Variants in ADARB2 observed in about 807,000 individuals in gnomAD.
The protein encoded by ADARB2 is adenosine deaminase RNA specific B2 (inactive), also known as inactive double-stranded RNA-specific editase B2.
Under a neutral mutation model 62.2 loss-of-function variants are expected in ADARB2, and 25 were observed. The observed-to-expected ratio is 0.40, with a 90% CI of 0.29 to 0.56. The LOEUF is 0.56. ADARB2 is among the 20% of genes least tolerant of loss of function. The pLI is 0.43. For missense variants in ADARB2, 1,071 were observed against 1,077.4 expected (o/e 0.99, Z 0.08); for synonymous variants, 572 against 500.8 (o/e 1.14, Z -1.90).
intron 1 of ADARB2, among the ~76,000 whole-genome samples, chr10:1,383,435 TAAA>T (rs36078172): frequency 6.8e-6 from 1 of 147,610 alleles, no homozygotes; most frequent in African/African-American, 2.5e-5. Flanking sequence ...TGAGTATGAT[TAAA>T]AAAAAAAAAG....
intron 1 of ADARB2, among the ~76,000 whole-genome samples, chr10:1,431,772 T>C (rs1287884210): frequency 6.6e-6 from 1 of 152,202 alleles, no homozygotes; most frequent in African/African-American, 2.4e-5. Flanking sequence ...AAATAGGTGC[T>C]ATTACTACAG....
intron 1 of ADARB2, among the ~76,000 whole-genome samples, chr10:1,632,441 C>T (rs1833854626): frequency 6.6e-6 from 1 of 152,058 alleles, no homozygotes; most frequent in African/African-American, 2.4e-5. Context: ...TGCTTGCACA[C>T]ACATGCACAC....
At chr10:1,656,500 G>A (rs1834173505) in intron 1 of ADARB2, among the ~76,000 whole-genome samples, 1 of 151,788 alleles carries the variant, frequency 6.6e-6, no homozygotes, top group African/African-American at 2.4e-5. Flanking sequence ...GAGAGGTTGG[G>A]GGAAAGAGAG....
At chr10:1,419,320 T>G (rs1341152414) in intron 1 of ADARB2, among the ~76,000 whole-genome samples, 1 of 152,236 alleles carries the variant, frequency 6.6e-6, no homozygotes, top group Non-Finnish European at 1.5e-5. Flanking sequence ...GGTCTCGAAC[T>G]CCTGACCTCA....
chr10:1,680,490 G>A (rs1834522610), intron 1 of ADARB2, among the ~76,000 whole-genome samples: 3 of 152,198 alleles, frequency 2.0e-5, no homozygotes, highest in South Asian at 4.2e-4. Flanking sequence ...CAGGACTCCC[G>A]GGCCATGCAC....
chr10:1,723,464 C>A (rs1464297156), intron 1 of ADARB2, among the ~76,000 whole-genome samples: 3 of 152,326 alleles, frequency 2.0e-5, no homozygotes, highest in Non-Finnish European at 2.9e-5. Flanking sequence ...TCTTCGGTAG[C>A]CACTTGCATT....
At chr10:1,580,437 G>T (rs11250641) in intron 1 of ADARB2, among the ~76,000 whole-genome samples, 2 of 151,478 alleles carry the variant, frequency 1.3e-5, no homozygotes, top group Non-Finnish European at 2.9e-5. Flanking sequence ...TATATATGTT[G>T]GTCTGGCATT....
chr10:1,364,046 A>C (rs1320127726), intron 2 of ADARB2, 129 bp from the exon 3 acceptor site: 35 of 1,275,332 alleles, frequency 2.7e-5, no homozygotes, highest in Middle Eastern at 5.7e-4. Context: ...GGCCTGAGAA[A>C]TGACTGTGGC....
chr10:1,234,113 C>T (rs200555423), intron 5 of ADARB2, among the ~76,000 whole-genome samples: 7 of 151,806 alleles, frequency 4.6e-5, no homozygotes, highest in Admixed American at 3.3e-4. Flanking sequence ...CTCAGCCTCC[C>T]GAGTAGCTGG....
chr10:1,686,926 AT>A (rs541654765), intron 1 of ADARB2, among the ~76,000 whole-genome samples: 19 of 151,400 alleles, frequency 1.3e-4, no homozygotes, highest in African/African-American at 2.4e-4. Context: ...AAGAAATTAC[AT>A]TTTTTTTAAC....
At chr10:1,190,997 CAG>C (rs1836835133) in intron 8 of ADARB2, among the ~76,000 whole-genome samples, 1 of 151,672 alleles carries the variant, frequency 6.6e-6, no homozygotes, top group African/African-American at 2.4e-5. Flanking sequence ...CTTCGCAGAA[CAG>C]GGGTTTGCAC....
At chr10:1,436,159 C>T (rs1362370492) in intron 1 of ADARB2, among the ~76,000 whole-genome samples, 1 of 152,086 alleles carries the variant, frequency 6.6e-6, no homozygotes, top group Non-Finnish European at 1.5e-5. Context: ...TGCGTGTGTG[C>T]ATGCTTGTGT....
chr10:1,216,929 G>A (rs771305592), intron 7 of ADARB2, 22 bp downstream of exon 7: 63 of 1,589,378 alleles, frequency 4.0e-5, no homozygotes, highest in African/African-American at 1.6e-4. Context: ...CAACATCCTC[G>A]AGAGGAAGCC....
chr10:1,281,932 T>G (rs942437993), intron 3 of ADARB2, among the ~76,000 whole-genome samples: 1 of 152,218 alleles, frequency 6.6e-6, no homozygotes, highest in African/African-American at 2.4e-5. Context: ...TTAAAAAACT[T>G]TCCTTACTTT....
intron 1 of ADARB2, among the ~76,000 whole-genome samples, chr10:1,667,736 C>A (rs1204711724): frequency 6.6e-6 from 1 of 152,142 alleles, no homozygotes; most frequent in African/African-American, 2.4e-5. Context: ...TCCTAAAAAG[C>A]CACAAATTAG....
intron 6 of ADARB2, among the ~76,000 whole-genome samples, chr10:1,220,294 G>GTGATGGTGGTGA (rs1830681456): frequency 2.1e-5 from 2 of 93,546 alleles, no homozygotes; most frequent in Non-Finnish European, 2.4e-5. Flanking sequence ...GATGGTGGTG[G>GTGATGGTGGTGA]TGATGGTGGT....
At chr10:1,451,881 A>G (rs1252204581) in intron 1 of ADARB2, among the ~76,000 whole-genome samples, 1 of 152,214 alleles carries the variant, frequency 6.6e-6, no homozygotes, top group African/African-American at 2.4e-5. Flanking sequence ...TCTCGCCCAC[A>G]TGTGAGACAG....
intron 1 of ADARB2, among the ~76,000 whole-genome samples, chr10:1,653,617 T>C (rs1036479342): frequency 1.0e-4 from 15 of 143,204 alleles, no homozygotes; most frequent in African/African-American, 3.5e-4. Context: ...ACGCCTTCTG[T>C]GCCTGCAGAG....
At chr10:1,676,971 A>G (rs746250224) in intron 1 of ADARB2, among the ~76,000 whole-genome samples, 22 of 152,176 alleles carry the variant, frequency 1.4e-4, no homozygotes, top group African/African-American at 2.2e-4. Context: ...GAGACCCTCT[A>G]TCTGGGGAGG....
Sources: gnomAD v4.1 joint callset for allele counts (sites outside exome capture counted in the v4.1 genomes callset) on GRCh38, gnomAD v4.1.1 for gene constraint, MANE v1.5 for transcripts, NCBI Gene and HGNC (gene_info 2026-07-23, HGNC 2026-07-21) for gene names.